Variants in CTNNA2 observed in about 807,000 individuals in gnomAD.
CTNNA2 encodes the protein catenin alpha-2.
Under a neutral mutation model 101.0 loss-of-function variants are expected in CTNNA2, and 42 were observed. The observed-to-expected ratio is 0.42, with a 90% CI of 0.32 to 0.54. The LOEUF (loss-of-function observed/expected upper bound fraction) is 0.54. Ranked by LOEUF, CTNNA2 falls within the 20% of genes least tolerant of loss-of-function variation. The pLI is 0.14. For missense variants in CTNNA2, 871 were observed against 1,223.1 expected, an observed-to-expected ratio of 0.71 and a Z score of 4.29; for synonymous variants, 450 against 456.4, an observed-to-expected ratio of 0.99 and a Z score of 0.18.
chr2:79,274,861 G>A (rs2104312438), intron 2 of CTNNA2, among the ~76,000 whole-genome samples: 1 of 152,150 alleles, frequency 6.6e-6, no homozygotes, highest in South Asian at 2.1e-4. Flanking sequence ...AATGGATTGT[G>A]AAATAGATCA....
chr2:79,866,654 A>G (rs577734971), intron 4 of CTNNA2: 1 of 152,294 alleles, frequency 6.6e-6, no homozygotes, highest in South Asian at 2.1e-4. Flanking sequence ...CCTGTCATCC[A>G]CAGACTTTCC....
chr2:79,676,909 C>T (rs1240661095), intron 2 of CTNNA2, among the ~76,000 whole-genome samples: 1 of 152,128 alleles, frequency 6.6e-6, no homozygotes, highest in Non-Finnish European at 1.5e-5. Context: ...CAGGTTCCCT[C>T]CACCTTTTGT....
Position 80,111,879 on chromosome 2 carries a change from C to T in CTNNA2, c.1056+202082C>T, listed in dbSNP as rs79067580. ...TTTTGAAGTTTGCTAGTGGCAAATG[C>T]TTATCACTATATGGCTAATAATAAT... On this transcript the variant is annotated intron_variant, in intron 7 of 18. Coordinates refer to ENST00000402739, the MANE Select transcript of CTNNA2 (RefSeq NM_001282597.3). Among the ~76,000 whole-genome samples the T allele has an allele frequency of 7.4e-4, 113 of 152,190 alleles. No individual in the cohort carries two copies. In the East Asian group the frequency reaches 0.021, roughly 28 times the overall value.
At chr2:79,488,503 C>A (rs981395584) in intron 4 of CTNNA2, among the ~76,000 whole-genome samples, 10 of 152,002 alleles carry the variant, frequency 6.6e-5, no homozygotes, top group African/African-American at 2.4e-4. Flanking sequence ...CAGGAACCAA[C>A]ATAGGTGGAC....
intron 7 of CTNNA2, among the ~76,000 whole-genome samples, chr2:80,169,968 T>C (rs977916116): frequency 6.6e-6 from 1 of 152,104 alleles, no homozygotes; most frequent in Admixed American, 6.6e-5. Flanking sequence ...GTGTTAGAAC[T>C]AAATGAGGAA....
chr2:79,805,038 A>G (rs1676462293), intron 3 of CTNNA2, among the ~76,000 whole-genome samples: 1 of 152,152 alleles, frequency 6.6e-6, no homozygotes, highest in Non-Finnish European at 1.5e-5. Context: ...GCTTGTGGGA[A>G]GTGCATTATT....
At chr2:80,231,772 T>C (rs1709227393) in intron 7 of CTNNA2, among the ~76,000 whole-genome samples, 1 of 152,202 alleles carries the variant, frequency 6.6e-6, no homozygotes, top group Non-Finnish European at 1.5e-5. Flanking sequence ...CCCCAAAATA[T>C]ATTTCTTTGA....
At chr2:79,414,781 G>A (rs1678459214) in intron 4 of CTNNA2, among the ~76,000 whole-genome samples, 1 of 152,044 alleles carries the variant, frequency 6.6e-6, no homozygotes, top group Admixed American at 6.6e-5. Flanking sequence ...GGGAGGCCCA[G>A]CTGTTAGACA....
intron 7 of CTNNA2, among the ~76,000 whole-genome samples, chr2:80,324,295 C>T (rs1259300618): frequency 6.6e-6 from 1 of 152,106 alleles, no homozygotes; most frequent in Non-Finnish European, 1.5e-5. Context: ...GGCCGCTGCT[C>T]GCAGTGTGAG....
intron 1 of CTNNA2, among the ~76,000 whole-genome samples, chr2:79,640,426 C>T (rs1217685829): frequency 6.6e-6 from 1 of 152,034 alleles, no homozygotes; most frequent in Non-Finnish European, 1.5e-5. Context: ...TTACTTTTTC[C>T]TGAACAAAAA....
intron 7 of CTNNA2, among the ~76,000 whole-genome samples, chr2:80,295,279 A>G (rs1675646174): frequency 6.6e-6 from 1 of 150,988 alleles, no homozygotes; most frequent in African/African-American, 2.4e-5. Context: ...CCTGTGTCTC[A>G]GGTCTCATGT....
chr2:79,308,307 A>C, intron 2 of CTNNA2, among the ~76,000 whole-genome samples: 1 of 151,966 alleles, frequency 6.6e-6, no homozygotes, highest in East Asian at 1.9e-4. Context: ...CAGCCCCCCA[A>C]ATTTCTGGGA....
chr2:80,511,428 A>G (rs1688694076), intron 9 of CTNNA2, among the ~76,000 whole-genome samples: 1 of 152,168 alleles, frequency 6.6e-6, no homozygotes, highest in Non-Finnish European at 1.5e-5. Context: ...GTGAGTTCAA[A>G]CATGCTTGTT....
chr2:79,345,096 T>A (rs1353178003), intron 3 of CTNNA2, among the ~76,000 whole-genome samples: 2 of 59,186 alleles, frequency 3.4e-5, no homozygotes, highest in Admixed American at 4.0e-4. Context: ...TATTATGGAA[T>A]GTGTTTTTTT....
intron 7 of CTNNA2, among the ~76,000 whole-genome samples, chr2:80,326,231 T>C (rs1679230416): frequency 6.6e-6 from 1 of 152,180 alleles, no homozygotes; most frequent in African/African-American, 2.4e-5. Context: ...ACTACCTCTA[T>C]ATATTTTCTA....
intron 2 of CTNNA2, among the ~76,000 whole-genome samples, chr2:79,258,950 A>G (rs563815384): frequency 5.3e-5 from 8 of 151,798 alleles, no homozygotes; most frequent in Non-Finnish European, 7.4e-5. Flanking sequence ...AGTGAGGCCT[A>G]TATTTTAATC....
At chr2:79,597,429 G>A (rs1290757590) in intron 1 of CTNNA2, among the ~76,000 whole-genome samples, 3 of 149,190 alleles carry the variant, frequency 2.0e-5, no homozygotes, top group Admixed American at 6.7e-5. Flanking sequence ...TCGAGACGGC[G>A]CCACTGCACT....
At chr2:80,109,230 G>A (rs1247540651) in intron 7 of CTNNA2, among the ~76,000 whole-genome samples, 2 of 152,222 alleles carry the variant, frequency 1.3e-5, no homozygotes, top group Non-Finnish European at 2.9e-5. Flanking sequence ...GGAGGCTGAG[G>A]CCGGTGGATC....
intron 7 of CTNNA2, among the ~76,000 whole-genome samples, chr2:79,911,263 A>G (rs1001935658): frequency 4.6e-5 from 7 of 152,238 alleles, no homozygotes; most frequent in Non-Finnish European, 1.0e-4. Flanking sequence ...GTTGTTAACA[A>G]AATAGCAAAG....
Sources: gnomAD v4.1 joint callset for allele counts (sites outside exome capture counted in the v4.1 genomes callset) on GRCh38, gnomAD v4.1.1 for gene constraint, MANE v1.5 for transcripts, NCBI Gene and HGNC (gene_info 2026-07-23, HGNC 2026-07-21) for gene names.